The following DIP2C variants were observed in gnomAD, a reference collection of about 807,000 sequenced individuals.
DIP2C encodes disco-interacting protein 2 homolog C.
In DIP2C, 33 loss-of-function variants were observed where a neutral mutation model predicts 192.4. That is an observed-to-expected ratio of 0.17 (90% CI 0.13 to 0.23). The LOEUF (loss-of-function observed/expected upper bound fraction) is 0.23, where lower values mean the gene tolerates loss of function less well. DIP2C is among the 10% of genes least tolerant of loss of function. DIP2C has a pLI of 1.00. For missense variants in DIP2C, 1,537 were observed against 2,110.1 expected (o/e 0.73, Z 5.32); for synonymous variants, 979 against 864.1 (o/e 1.13, Z -2.33).
intron 32 of DIP2C, among the ~76,000 whole-genome samples, chr10:303,159 G>A (rs1214780062): frequency 6.6e-6 from 1 of 152,156 alleles, no homozygotes; most frequent in African/African-American, 2.4e-5. Flanking sequence ...ACACGTGGCG[G>A]TAGATTCTTA....
intron 1 of DIP2C, among the ~76,000 whole-genome samples, chr10:634,070 T>C (rs1381349169): frequency 6.6e-6 from 1 of 152,230 alleles, no homozygotes; most frequent in Non-Finnish European, 1.5e-5. Flanking sequence ...CCAGATCCTA[T>C]GGCCCTCACA....
chr10:424,701 A>C (rs530830379), intron 4 of DIP2C, among the ~76,000 whole-genome samples: 2 of 152,146 alleles, frequency 1.3e-5, no homozygotes, highest in East Asian at 3.9e-4. Flanking sequence ...AATTTCTATA[A>C]AAGTAAAATT....
chr10:606,441 AG>A (rs1367077112), intron 1 of DIP2C, among the ~76,000 whole-genome samples: 1 of 139,152 alleles, frequency 7.2e-6, no homozygotes, highest in Non-Finnish European at 1.5e-5. Context: ...TTGGTTGGGA[AG>A]GGGATCTCTC....
chr10:458,908 T>C (rs1425525163), intron 3 of DIP2C, among the ~76,000 whole-genome samples: 1 of 149,806 alleles, frequency 6.7e-6, no homozygotes, highest in Non-Finnish European at 1.5e-5. Flanking sequence ...TTTCCAAAAC[T>C]GACACTAAAC....
In DIP2C at chr10:348,717, C is replaced by T. The variant is rs767800184; in HGVS notation, c.3155G>A (p.Cys1052Tyr). 6.2e-7 allele frequency: 1 copy of T among 1,613,840 alleles called. No individual in the cohort carries two copies. The highest frequency in any genetic ancestry group is 8.5e-7 in the Non-Finnish European group (1 of 1,179,976). The stretch of plus-strand genomic sequence containing the variant: ...CGGGGGACGGACGGTTATTGGCACA[C>T]AGCCTGCGTACAGGCAACCATAAAA... ...AAFYGCLYAG[C>Y]VPITVRPPHP... Residue 1052 changes from cysteine (C) to tyrosine (Y), a missense_variant, in exon 26 of 37, where the codon TGT becomes TAT. This residue lies in a region of DIP2C where 677 missense variants were observed against 989.9 expected (regional missense o/e 0.68). Transcript: ENST00000280886.
chr10:387,395 C>T (rs775277105), intron 14 of DIP2C, among the ~76,000 whole-genome samples: 5 of 152,160 alleles, frequency 3.3e-5, no homozygotes, highest in Non-Finnish European at 7.3e-5. Context: ...ACAAGTGAAA[C>T]GTAGGCAAAT....
chr10:387,936 C>G (rs956934713), intron 13 of DIP2C, 127 bp from the exon 14 acceptor site: 5 of 1,122,098 alleles, frequency 4.5e-6, no homozygotes, highest in African/African-American at 3.1e-5. Context: ...TTTGCCGTAT[C>G]TTGGTGGAAA....
chr10:435,538 C>T (rs960513420), intron 4 of DIP2C, among the ~76,000 whole-genome samples: 2 of 152,186 alleles, frequency 1.3e-5, no homozygotes, highest in African/African-American at 2.4e-5. Flanking sequence ...CCAATCCCAG[C>T]GGGGGTTCCT....
intron 33 of DIP2C, among the ~76,000 whole-genome samples, chr10:286,637 T>C (rs1184757957): frequency 6.6e-6 from 1 of 152,198 alleles, no homozygotes; most frequent in Non-Finnish European, 1.5e-5. Context: ...AAGAGAAATC[T>C]ATTGAAAATC....
chr10:446,752 G>A (rs1365836756), intron 3 of DIP2C, among the ~76,000 whole-genome samples: 1 of 152,200 alleles, frequency 6.6e-6, no homozygotes, highest in African/African-American at 2.4e-5. Context: ...GATCCCTTCT[G>A]TTCCTGATGT....
chr10:415,447 G>A (rs1249710782), intron 7 of DIP2C, among the ~76,000 whole-genome samples: 1 of 152,160 alleles, frequency 6.6e-6, no homozygotes, highest in Non-Finnish European at 1.5e-5. Context: ...GCCAGCGAAG[G>A]ATTTCCCCAG....
intron 32 of DIP2C, among the ~76,000 whole-genome samples, chr10:299,399 C>T (rs1248193917): frequency 1.3e-5 from 2 of 152,216 alleles, no homozygotes; most frequent in African/African-American, 4.8e-5. Context: ...ATTTCTTTGG[C>T]TTGCCTTAAT....
chr10:487,581 T>G (rs866369233), intron 1 of DIP2C, among the ~76,000 whole-genome samples: 7 of 134,484 alleles, frequency 5.2e-5, no homozygotes, highest in East Asian at 2.2e-4. Context: ...TTTTTTTTTT[T>G]TTTTTTTTTT....
intron 1 of DIP2C, among the ~76,000 whole-genome samples, chr10:493,173 AT>A (rs1223274368): frequency 6.6e-6 from 1 of 152,206 alleles, no homozygotes; most frequent in Non-Finnish European, 1.5e-5. Context: ...CAGTGGGAAG[AT>A]TTAAACATGC....
At chr10:580,189 T>C (rs1379647098) in intron 1 of DIP2C, among the ~76,000 whole-genome samples, 2 of 151,860 alleles carry the variant, frequency 1.3e-5, no homozygotes, top group African/African-American at 4.8e-5. Context: ...ACATGCGTAG[T>C]GTATACATAT....
At chr10:408,134 T>C (rs771927168) in intron 9 of DIP2C, among the ~76,000 whole-genome samples, 1 of 150,474 alleles carries the variant, frequency 6.6e-6, no homozygotes, top group African/African-American at 2.5e-5. Flanking sequence ...TGATGTTAGG[T>C]AAACATCCGC....
intron 1 of DIP2C, chr10:667,398 C>G (rs1857161016): frequency 6.6e-6 from 1 of 152,270 alleles, no homozygotes; most frequent in Non-Finnish European, 1.5e-5. Context: ...AGGACGCACG[C>G]TCAGAAGGGG....
At chr10:578,648 C>T (rs556484678) in intron 1 of DIP2C, among the ~76,000 whole-genome samples, 9 of 152,288 alleles carry the variant, frequency 5.9e-5, no homozygotes, top group African/African-American at 1.7e-4. Flanking sequence ...TGGTGTGTTC[C>T]GGGATCCCTG....
At chr10:283,170 C>T in intron 35 of DIP2C, 102 bp downstream of exon 35, 1 of 1,473,556 alleles carries the variant, frequency 6.8e-7, no homozygotes, top group African/African-American at 1.4e-5. Flanking sequence ...ACGTGCCCTC[C>T]TGGCTTTGGC....
Sources: allele counts gnomAD v4.1 joint callset (sites outside exome capture counted in the v4.1 genomes callset), GRCh38; gene constraint gnomAD v4.1.1; regional missense constraint gnomAD v4.1.1; transcripts MANE v1.5; gene names NCBI Gene and HGNC (gene_info 2026-07-23, HGNC 2026-07-21).